UCK2: variants seen among roughly 807,000 people sequenced by gnomAD.
The protein encoded by UCK2 is cytidine monophosphokinase 2.
Under a neutral mutation model 30.8 loss-of-function variants are expected in UCK2, and 6 were observed. The ratio of observed to expected loss-of-function variants is 0.19; its 90% CI spans 0.11 to 0.38. UCK2 has a LOEUF of 0.38. Among genes scored for constraint, UCK2 ranks in the 10% least tolerant of loss-of-function variants. The probability of loss-of-function intolerance (pLI) is 1.00; values close to 1 mark genes in which losing one functional copy is unlikely to be tolerated. For synonymous variants in UCK2, 125 were observed against 133.6 expected (o/e 0.94, Z 0.45); for missense variants, 210 against 339.8 (o/e 0.62, Z 3.00).
chr1:165,872,164 T>G (rs1655212477), intron 1 of UCK2, among the ~76,000 whole-genome samples: 1 of 152,162 alleles, frequency 6.6e-6, no homozygotes, highest in South Asian at 2.1e-4. Context: ...AAACACCACC[T>G]TCCAGGTTCA....
intron 1 of UCK2, among the ~76,000 whole-genome samples, chr1:165,850,680 G>A (rs1180322807): frequency 2.0e-5 from 3 of 148,982 alleles, no homozygotes; most frequent in African/African-American, 5.0e-5. Flanking sequence ...GTGCAGTGGC[G>A]AGATCTTGGC....
intron 1 of UCK2, among the ~76,000 whole-genome samples, chr1:165,873,502 T>C (rs1298633510): frequency 6.6e-6 from 1 of 152,260 alleles, no homozygotes; most frequent in Non-Finnish European, 1.5e-5. Context: ...CATTTTTTAA[T>C]AATGAGAAAA....
chr1:165,850,889 T>G (rs1450717559), intron 1 of UCK2, among the ~76,000 whole-genome samples: 1 of 150,970 alleles, frequency 6.6e-6, no homozygotes, highest in Non-Finnish European at 1.5e-5. Flanking sequence ...CCCAAAGTGC[T>G]GGGATTACAG....
Position 165,907,875 on chromosome 1 carries a change from AGGAGG to A in UCK2, c.*53_*57del. 6.2e-7 allele frequency: 1 copy of A among 1,603,258 alleles called. No homozygotes were observed. Among genetic ancestry groups the A allele is most frequent in the Non-Finnish European group, 8.5e-7 (1 of 1,173,618 alleles). On this transcript the variant is annotated 3_prime_UTR_variant, in exon 7 of 7. Transcript: ENST00000367879. ...ATCTCCAAGAGACAGAGGAGGGGTC[AGGAGG>A]CACTGCTCATCTGTACATACTGTTT...
chr1:165,880,566 G>GTGTGTGT (rs1557843943), intron 1 of UCK2, among the ~76,000 whole-genome samples: 34 of 19,358 alleles, frequency 1.8e-3, no homozygotes, highest in East Asian at 8.3e-3. Context: ...TTTTTTTGGG[G>GTGTGTGT]GTGTGTGTGT....
At chr1:165,843,695 T>C (rs1654382055) in intron 1 of UCK2, among the ~76,000 whole-genome samples, 1 of 152,170 alleles carries the variant, frequency 6.6e-6, no homozygotes, top group African/African-American at 2.4e-5. Flanking sequence ...GGAGGATCTG[T>C]GGAGGCCAGG....
At chr1:165,828,873 C>T (rs1020848953) in intron 1 of UCK2, among the ~76,000 whole-genome samples, 4 of 152,092 alleles carry the variant, frequency 2.6e-5, no homozygotes, top group Non-Finnish European at 5.9e-5. Flanking sequence ...TTTTTCCCAC[C>T]GTTTAACACC....
chr1:165,876,095 A>G (rs1240743668), intron 1 of UCK2, among the ~76,000 whole-genome samples: 1 of 152,230 alleles, frequency 6.6e-6, no homozygotes, highest in African/African-American at 2.4e-5. Context: ...TCATAACACC[A>G]CAAGGACCTA....
At position 165,889,848 on chromosome 1, in the gene UCK2, G is replaced by A. The variant is rs952719445; in HGVS notation, c.100-356G>A. Among the ~76,000 whole-genome samples the A allele has an allele frequency of 6.6e-5, 10 of 151,818 alleles. No homozygotes were observed. The South Asian group carries it at 1.3e-3, about 19-fold the overall frequency. On this transcript the variant is annotated intron_variant, in intron 1 of 6. Transcript: ENST00000367879. ...CCTTATCCTCTGCTTCCTCCCACCC[G>A]CCACCTCCAGCAGGCCCCAGTGTGT...
intron 5 of UCK2, among the ~76,000 whole-genome samples, chr1:165,903,607 A>C (rs1647555015): frequency 1.3e-5 from 2 of 152,150 alleles, no homozygotes; most frequent in South Asian, 4.1e-4. Context: ...TATCATATCC[A>C]AGGAGAGTCC....
intron 1 of UCK2, among the ~76,000 whole-genome samples, chr1:165,878,391 C>T (rs368883983): frequency 3.3e-5 from 5 of 151,164 alleles, no homozygotes; most frequent in African/African-American, 7.3e-5. Context: ...AGTGCAATGG[C>T]GCAATCTCGG....
chr1:165,845,249 C>T (rs979079766), intron 1 of UCK2, among the ~76,000 whole-genome samples: 2 of 152,124 alleles, frequency 1.3e-5, no homozygotes, highest in African/African-American at 4.8e-5. Context: ...AATCGCCATA[C>T]GTTTTGGTGA....
At chr1:165,860,474 G>T (rs983332115) in intron 1 of UCK2, among the ~76,000 whole-genome samples, 2 of 151,958 alleles carry the variant, frequency 1.3e-5, no homozygotes, top group Non-Finnish European at 2.9e-5. Context: ...TTTGAGACGG[G>T]CCTCACTCCA....
chr1:165,895,687 C>A, intron 3 of UCK2: 1 of 979,718 alleles, frequency 1.0e-6, no homozygotes, highest in African/African-American at 1.7e-5. Flanking sequence ...TCCCTCCTTC[C>A]CTTCCCCTTC....
chr1:165,894,332 G>T (rs1655840177), intron 3 of UCK2: 1 of 152,104 alleles, frequency 6.6e-6, no homozygotes. Flanking sequence ...CTTGGTGTAG[G>T]GGAGTTGCCT....
rs188274661 is a variant in UCK2, at chr1:165,858,820, G to A, written c.99+30888G>A. Among the ~76,000 whole-genome samples the A allele has an allele frequency of 7.2e-5, 11 of 152,302 alleles. No individual in the cohort carries two copies. In the East Asian group the frequency reaches 2.1e-3, roughly 29 times the overall value. On this transcript the variant is annotated intron_variant, in intron 1 of 6. Coordinates refer to ENST00000367879, the MANE Select transcript of UCK2 (RefSeq NM_012474.5). ...AAAATGGAATGCTGATGGGGCAAGGGTGACAGGGAAGCCAGGCATTCCAGC... is the reference window on the plus strand; with the variant it reads ...AAAATGGAATGCTGATGGGGCAAGGATGACAGGGAAGCCAGGCATTCCAGC...
chr1:165,863,964 C>T (rs1654983221), intron 1 of UCK2, among the ~76,000 whole-genome samples: 1 of 152,040 alleles, frequency 6.6e-6, no homozygotes. Flanking sequence ...GTAGTTCCTG[C>T]CTTATTTTTT....
chr1:165,856,288 G>A (rs948462076), intron 1 of UCK2, among the ~76,000 whole-genome samples: 10 of 151,886 alleles, frequency 6.6e-5, no homozygotes, highest in African/African-American at 2.4e-4. Context: ...AAGCTGAGTG[G>A]GGCCCATTGA....
chr1:165,850,812 C>T (rs1333309284), intron 1 of UCK2, among the ~76,000 whole-genome samples: 7 of 151,146 alleles, frequency 4.6e-5, no homozygotes, highest in African/African-American at 1.2e-4. Context: ...TTAGTAGAGA[C>T]GGGGTTTCAC....
Sources: allele counts gnomAD v4.1 joint callset (sites outside exome capture counted in the v4.1 genomes callset), GRCh38; gene constraint gnomAD v4.1.1; transcripts MANE v1.5; gene names NCBI Gene and HGNC (gene_info 2026-07-23, HGNC 2026-07-21).